Variants in BAIAP2 observed in about 807,000 individuals in gnomAD.
BAIAP2 encodes the protein BAR/IMD domain containing adaptor protein 2.
A neutral mutation model predicts 63.0 loss-of-function variants in BAIAP2; 18 were observed. That is an observed-to-expected ratio of 0.29 (90% CI 0.20 to 0.42). The LOEUF is 0.42. BAIAP2 is among the 10% of genes least tolerant of loss of function. BAIAP2 has a pLI of 1.00. For missense variants in BAIAP2, 610 were observed against 734.3 expected (o/e 0.83, Z 1.96); for synonymous variants, 386 against 307.6 (o/e 1.25, Z -2.67).
chr17:81,098,016 GCT>G (rs904950714), intron 6 of BAIAP2: 27 of 996,578 alleles, frequency 2.7e-5, no homozygotes, highest in Middle Eastern at 3.5e-4. Flanking sequence ...CCGGGTGTCA[GCT>G]GTGCCATAGG....
intron 6 of BAIAP2, among the ~76,000 whole-genome samples, chr17:81,096,745 C>G (rs1456194679): frequency 1.3e-5 from 2 of 152,262 alleles, no homozygotes; most frequent in African/African-American, 4.8e-5. Context: ...ATGTGGCGTC[C>G]TGGCCACGGC....
At chr17:81,090,650 G>A (rs2056564587) in intron 6 of BAIAP2, among the ~76,000 whole-genome samples, 2 of 152,370 alleles carry the variant, frequency 1.3e-5, no homozygotes, top group South Asian at 4.1e-4. Flanking sequence ...AGCCCAGGAG[G>A]CCAGGCCTCG....
At chr17:81,059,179 GCTGCAGGT>G (rs1367541991) in intron 3 of BAIAP2, among the ~76,000 whole-genome samples, 1 of 152,188 alleles carries the variant, frequency 6.6e-6, no homozygotes, top group African/African-American at 2.4e-5. Context: ...TGGCGTGTTT[GCTGCAGGT>G]CTGGTGATGC....
intron 1 of BAIAP2, among the ~76,000 whole-genome samples, chr17:81,052,407 G>A (rs779074029): frequency 2.0e-5 from 3 of 152,246 alleles, no homozygotes; most frequent in East Asian, 1.9e-4. Context: ...ACGCAAAGGC[G>A]CCCTCACCCT....
chr17:81,108,070 G>T (rs763504068), intron 12 of BAIAP2: 1 of 256,176 alleles, frequency 3.9e-6, no homozygotes, highest in Non-Finnish European at 7.5e-6. Flanking sequence ...TCTGGGTCTG[G>T]TCCTGGGTCC....
intron 1 of BAIAP2, among the ~76,000 whole-genome samples, chr17:81,051,970 G>T (rs1055158193): frequency 6.6e-6 from 1 of 152,190 alleles, no homozygotes; most frequent in African/African-American, 2.4e-5. Context: ...GATTATACGT[G>T]CGAGCCACCG....
chr17:81,062,802 G>A (rs2050800424), intron 3 of BAIAP2, among the ~76,000 whole-genome samples: 1 of 151,624 alleles, frequency 6.6e-6, no homozygotes, highest in Admixed American at 6.6e-5. Context: ...GAGTTTGCAG[G>A]TGGAAGATGC....
At chr17:81,064,722 C>T (rs1389181240) in intron 3 of BAIAP2, among the ~76,000 whole-genome samples, 3 of 152,146 alleles carry the variant, frequency 2.0e-5, no homozygotes, top group Admixed American at 6.5e-5. Context: ...TGGCTCTGGC[C>T]GTCTGGCACA....
chr17:81,036,237 G>A (rs1489661602), intron 1 of BAIAP2, among the ~76,000 whole-genome samples: 2 of 152,186 alleles, frequency 1.3e-5, no homozygotes, highest in Non-Finnish European at 2.9e-5. Context: ...TTTCTCAGAG[G>A]AGAAACCCCT....
chr17:81,096,332 G>T (rs1347873736), intron 6 of BAIAP2, among the ~76,000 whole-genome samples: 1 of 152,170 alleles, frequency 6.6e-6, no homozygotes, highest in Non-Finnish European at 1.5e-5. Flanking sequence ...CTCATGATGG[G>T]GTGCGTTGGG....
chr17:81,058,267 A>T (rs4969368), intron 3 of BAIAP2, among the ~76,000 whole-genome samples: 62,235 of 151,896 alleles, frequency 0.41, 13,218 homozygotes, highest in East Asian at 0.67. Flanking sequence ...TGCTTGGATG[A>T]TGGGATTAGA....
At chr17:81,091,132 C>T (rs1334688124) in intron 6 of BAIAP2, among the ~76,000 whole-genome samples, 1 of 150,544 alleles carries the variant, frequency 6.6e-6, no homozygotes, top group African/African-American at 2.4e-5. Context: ...TGTGGCCCCA[C>T]CCCTTGGTGC....
In BAIAP2 at chr17:81,110,334, A is replaced by G. The variant is rs900614457; in HGVS notation, c.1535+1825A>G. 4 of 986,276 alleles carry G rather than the reference A, an allele frequency of 4.1e-6. No homozygotes were observed. In the African/African-American group the frequency reaches 7.0e-5, roughly 17 times the overall value. 61.1% of individuals were successfully genotyped at this position (986,276 alleles called of 1,614,324 possible). A position where few individuals can be genotyped will look rare whatever the true frequency, so the allele number is the denominator to read the frequency against. On this transcript the variant is annotated intron_variant, in intron 13 of 13. Transcript: ENST00000428708. ...CGCCGGCGTTCCCGCTCCGCTAAAGATTTCAAATCCAGGGGATTCCATGCT... is the reference window on the plus strand; with the variant it reads ...CGCCGGCGTTCCCGCTCCGCTAAAGGTTTCAAATCCAGGGGATTCCATGCT...
At chr17:81,043,940 A>G (rs2047437345) in intron 1 of BAIAP2, among the ~76,000 whole-genome samples, 1 of 152,260 alleles carries the variant, frequency 6.6e-6, no homozygotes, top group Non-Finnish European at 1.5e-5. Context: ...TTCCTGGCAC[A>G]GAGAGTACTG....
intron 6 of BAIAP2, among the ~76,000 whole-genome samples, chr17:81,096,078 C>T (rs1382204728): frequency 6.6e-6 from 1 of 152,150 alleles, no homozygotes; most frequent in African/African-American, 2.4e-5. Context: ...GCCTAGTTTA[C>T]ACTGCTGTCC....
At chr17:81,065,343 C>A (rs917696634) in intron 3 of BAIAP2, among the ~76,000 whole-genome samples, 3 of 152,212 alleles carry the variant, frequency 2.0e-5, no homozygotes, top group African/African-American at 4.8e-5. Context: ...GAGCTGAGAG[C>A]CTCAGGAATC....
At chr17:81,085,829 GCTC>G in intron 5 of BAIAP2, 104 bp downstream of exon 5, 1 of 882,842 alleles carries the variant, frequency 1.1e-6, no homozygotes, top group South Asian at 1.5e-5. Context: ...ACTTCCCCGA[GCTC>G]CCCGTCCACA....
intron 7 of BAIAP2, among the ~76,000 whole-genome samples, chr17:81,100,440 A>G (rs1228219211): frequency 1.3e-5 from 2 of 152,152 alleles, no homozygotes; most frequent in African/African-American, 4.8e-5. Context: ...TGGGTGCCGG[A>G]GTCCCGGTGG....
At chr17:81,064,378 G>C (rs555315764) in intron 3 of BAIAP2, among the ~76,000 whole-genome samples, 1 of 152,152 alleles carries the variant, frequency 6.6e-6, no homozygotes, top group Non-Finnish European at 1.5e-5. Context: ...ACTGACTCCC[G>C]GCTAATCACT....
Sources: allele counts gnomAD v4.1 joint callset (sites outside exome capture counted in the v4.1 genomes callset), GRCh38; gene constraint gnomAD v4.1.1; transcripts MANE v1.5; gene names NCBI Gene and HGNC (gene_info 2026-07-23, HGNC 2026-07-21).